The following PDE4D variants were observed in gnomAD, a reference collection of about 807,000 sequenced individuals.
PDE4D encodes the protein phosphodiesterase 4D, also known as 3',5'-cyclic-AMP phosphodiesterase 4D.
A neutral mutation model predicts 87.4 loss-of-function variants in PDE4D; 24 were observed. That is an observed-to-expected ratio of 0.27 (90% CI 0.20 to 0.39). The LOEUF (loss-of-function observed/expected upper bound fraction) is 0.39. Ranked by LOEUF, PDE4D falls within the 10% of genes least tolerant of loss-of-function variation. The pLI, the probability that PDE4D is intolerant of heterozygous loss-of-function variation, is 1.00. For missense variants in PDE4D, 714 were observed against 1,041.0 expected (o/e 0.69, Z 4.32); for synonymous variants, 384 against 383.2 (o/e 1.00, Z -0.02).
At chr5:60,244,579 A>G (rs1169570117) in intron 1 of PDE4D, among the ~76,000 whole-genome samples, 2 of 152,048 alleles carry the variant, frequency 1.3e-5, no homozygotes, top group Admixed American at 6.6e-5. Context: ...CAAAAACAGC[A>G]TGGTATTGGC....
intron 2 of PDE4D, among the ~76,000 whole-genome samples, chr5:60,178,700 T>C (rs1223553118): frequency 6.6e-6 from 1 of 152,178 alleles, no homozygotes; most frequent in Non-Finnish European, 1.5e-5. Flanking sequence ...AAGCTTGTTG[T>C]TTCTTGTTTT....
chr5:60,435,858 C>T (rs1744718774), intron 1 of PDE4D, among the ~76,000 whole-genome samples: 1 of 151,996 alleles, frequency 6.6e-6, no homozygotes, highest in Admixed American at 6.6e-5. Flanking sequence ...AGTGTTCTTC[C>T]ATTGCAGACT....
At chr5:60,375,479 T>G (rs1761360214) in intron 1 of PDE4D, among the ~76,000 whole-genome samples, 1 of 152,218 alleles carries the variant, frequency 6.6e-6, no homozygotes. Flanking sequence ...GGTTCAGTAA[T>G]TTTCACATAC....
intron 1 of PDE4D, among the ~76,000 whole-genome samples, chr5:59,380,452 C>G (rs924107482): frequency 2.0e-5 from 3 of 148,906 alleles, no homozygotes; most frequent in African/African-American, 7.4e-5. Context: ...AGAAGAAAGA[C>G]ATGTGGCTAT....
chr5:59,407,389 T>C (rs969102944), intron 1 of PDE4D, among the ~76,000 whole-genome samples: 2 of 152,198 alleles, frequency 1.3e-5, no homozygotes. Flanking sequence ...TAATTTTCTA[T>C]TTCTTCATAA....
intron 1 of PDE4D, among the ~76,000 whole-genome samples, chr5:59,744,220 T>C (rs886554103): frequency 6.6e-6 from 1 of 152,126 alleles, no homozygotes; most frequent in Non-Finnish European, 1.5e-5. Context: ...TGTTAATTCA[T>C]AATGGAGGAA....
intron 1 of PDE4D, among the ~76,000 whole-genome samples, chr5:59,834,730 A>T (rs913056040): frequency 1.3e-5 from 2 of 152,106 alleles, no homozygotes; most frequent in African/African-American, 4.8e-5. Context: ...TGAACTGTAA[A>T]TACAATTTCA....
At chr5:59,045,556 CAAAAAA>C (rs36051277) in intron 5 of PDE4D, among the ~76,000 whole-genome samples, 2 of 70,980 alleles carry the variant, frequency 2.8e-5, no homozygotes, top group Non-Finnish European at 5.4e-5. Flanking sequence ...AACTCTGTCT[CAAAAAA>C]AAAAAAAAAA....
intron 1 of PDE4D, among the ~76,000 whole-genome samples, chr5:60,459,484 C>T (rs1172774122): frequency 6.6e-6 from 1 of 152,006 alleles, no homozygotes; most frequent in Non-Finnish European, 1.5e-5. Context: ...ACTCTCTAAG[C>T]CCAAGATACA....
chr5:59,455,307 C>T (rs1274922809), intron 1 of PDE4D, among the ~76,000 whole-genome samples: 1 of 152,182 alleles, frequency 6.6e-6, no homozygotes, highest in Non-Finnish European at 1.5e-5. Context: ...GGACTTGGTG[C>T]CCTGTGTCCC....
intron 1 of PDE4D, chr5:59,217,912 G>C: frequency 2.5e-6 from 1 of 394,128 alleles, no homozygotes; most frequent in South Asian, 1.9e-5. Context: ...AACTCTCCTT[G>C]GATATGCTTA....
At chr5:59,059,397 T>G (rs1009767543) in intron 5 of PDE4D, among the ~76,000 whole-genome samples, 2 of 152,180 alleles carry the variant, frequency 1.3e-5, no homozygotes, top group African/African-American at 4.8e-5. Context: ...CTATCAAATT[T>G]TGGCATGCCT....
At chr5:60,181,113 T>C (rs1784342350) in intron 2 of PDE4D, among the ~76,000 whole-genome samples, 1 of 152,156 alleles carries the variant, frequency 6.6e-6, no homozygotes, top group East Asian at 1.9e-4. Context: ...TGTACCATCT[T>C]TTCTAAATTT....
At chr5:59,028,375 G>T (rs1449494240) in intron 6 of PDE4D, among the ~76,000 whole-genome samples, 5 of 151,012 alleles carry the variant, frequency 3.3e-5, no homozygotes, top group Admixed American at 6.6e-5. Flanking sequence ...AAATCAGGAT[G>T]GCAGACACCC....
At chr5:59,929,451 G>A (rs1468778647) in intron 3 of PDE4D, among the ~76,000 whole-genome samples, 1 of 151,394 alleles carries the variant, frequency 6.6e-6, no homozygotes, top group East Asian at 1.9e-4. Flanking sequence ...TTAAAAAGTA[G>A]CCTTTGGTAC....
chr5:59,685,512 T>C (rs1195330105), intron 1 of PDE4D, among the ~76,000 whole-genome samples: 3 of 152,148 alleles, frequency 2.0e-5, no homozygotes, highest in African/African-American at 7.2e-5. Flanking sequence ...AAACACCTGT[T>C]TGTTAGGCAC....
At chr5:59,404,385 G>A (rs752644500) in intron 1 of PDE4D, among the ~76,000 whole-genome samples, 6 of 150,464 alleles carry the variant, frequency 4.0e-5, no homozygotes, top group Non-Finnish European at 5.9e-5. Context: ...CAGGCCAGGC[G>A]CAGTGGCTCA....
rs1350734171 is a variant in PDE4D, at chr5:59,289,045, A to C, written c.456-73077T>G. 2.0e-5 allele frequency among the ~76,000 whole-genome samples: 3 copies of C among 152,144 alleles called. No individual in the cohort carries two copies. In the East Asian group the frequency reaches 5.8e-4, roughly 29 times the overall value. ...TAGTAAATACACAGAAAAACACAGAATATTATAACACTGTTATTATAGTAT... is the reference window on the plus strand; with the variant it reads ...TAGTAAATACACAGAAAAACACAGACTATTATAACACTGTTATTATAGTAT... On this transcript the variant is annotated intron_variant, in intron 1 of 14. Transcript: ENST00000340635.
chr5:59,679,237 T>C (rs1422539295), intron 1 of PDE4D, among the ~76,000 whole-genome samples: 3 of 152,214 alleles, frequency 2.0e-5, no homozygotes, highest in African/African-American at 7.2e-5. Flanking sequence ...AAACCTAGGA[T>C]AATTTTGTAG....
Sources: gnomAD v4.1 joint callset for allele counts (sites outside exome capture counted in the v4.1 genomes callset) on GRCh38, gnomAD v4.1.1 for gene constraint, MANE v1.5 for transcripts, NCBI Gene and HGNC (gene_info 2026-07-23, HGNC 2026-07-21) for gene names.